Variants in GAB1 observed in about 807,000 individuals in gnomAD.
GAB1 encodes GRB2-associated-binding protein 1.
GAB1 carries 19 observed loss-of-function variants against 66.5 expected under a neutral mutation model. The observed-to-expected ratio is 0.29, with a 90% CI of 0.20 to 0.42. GAB1 has a LOEUF of 0.42. Among genes scored for constraint, GAB1 ranks in the 10% least tolerant of loss-of-function variants. The probability of loss-of-function intolerance (pLI) is 1.00; values close to 1 mark genes in which losing one functional copy is unlikely to be tolerated. For synonymous variants in GAB1, 294 were observed against 301.4 expected (o/e 0.98, Z 0.25); for missense variants, 732 against 858.5 (o/e 0.85, Z 1.84).
chr4:143,402,360 T>C (rs1235844805), intron 1 of GAB1, among the ~76,000 whole-genome samples: 3 of 152,196 alleles, frequency 2.0e-5, no homozygotes, highest in Non-Finnish European at 4.4e-5. Flanking sequence ...ATAAATAGAA[T>C]TGTTGTCTTT....
chr4:143,462,721 C>T (rs542663799), intron 8 of GAB1, among the ~76,000 whole-genome samples: 5 of 151,778 alleles, frequency 3.3e-5, no homozygotes, highest in Non-Finnish European at 5.9e-5. Context: ...AATGCAGTAG[C>T]GCGATCTCAA....
chr4:143,463,992 A>T (rs1358343519), intron 8 of GAB1, among the ~76,000 whole-genome samples: 1 of 152,348 alleles, frequency 6.6e-6, no homozygotes, highest in Middle Eastern at 3.4e-3. Flanking sequence ...ACAATTCTAG[A>T]TATTTCTAAT....
At chr4:143,350,731 G>GA (rs992625823) in intron 1 of GAB1, among the ~76,000 whole-genome samples, 5 of 150,606 alleles carry the variant, frequency 3.3e-5, no homozygotes, top group Admixed American at 6.6e-5. Flanking sequence ...CTGGTAATGG[G>GA]AAAAAAATTA....
At chr4:143,403,872 A>G (rs149014663) in intron 1 of GAB1, among the ~76,000 whole-genome samples, 111 of 152,320 alleles carry the variant, frequency 7.3e-4, no homozygotes, top group Admixed American at 1.8e-3. Flanking sequence ...ATTGCCATAT[A>G]TCTTGTTCTG....
chr4:143,388,433 G>A (rs957662796), intron 1 of GAB1, among the ~76,000 whole-genome samples: 1 of 152,254 alleles, frequency 6.6e-6, no homozygotes, highest in African/African-American at 2.4e-5. Context: ...TTGTGTGTGC[G>A]AGACAGAGTC....
At chr4:143,439,355 T>G (rs1345373456) in intron 4 of GAB1, among the ~76,000 whole-genome samples, 1 of 152,218 alleles carries the variant, frequency 6.6e-6, no homozygotes, top group Non-Finnish European at 1.5e-5. Context: ...CTCAGCTATC[T>G]CCAAGATTTT....
intron 1 of GAB1, among the ~76,000 whole-genome samples, chr4:143,370,454 A>G (rs1560723641): frequency 6.6e-6 from 1 of 152,236 alleles, no homozygotes. Context: ...CTCAAAGAGT[A>G]CAAATAGGTG....
At chr4:143,391,050 A>C (rs995902435) in intron 1 of GAB1, among the ~76,000 whole-genome samples, 14 of 152,208 alleles carry the variant, frequency 9.2e-5, no homozygotes, top group African/African-American at 2.9e-4. Flanking sequence ...TATAATTTCT[A>C]CCTGGATGAC....
At chr4:143,408,701 A>T (rs996386367) in intron 1 of GAB1, among the ~76,000 whole-genome samples, 5 of 152,152 alleles carry the variant, frequency 3.3e-5, no homozygotes, top group Admixed American at 1.3e-4. Context: ...CAAAAATAGC[A>T]TTTTCATTTT....
chr4:143,348,418 T>A (rs1729056681), intron 1 of GAB1, among the ~76,000 whole-genome samples: 1 of 152,254 alleles, frequency 6.6e-6, no homozygotes, highest in Non-Finnish European at 1.5e-5. Context: ...CCTTGTACAG[T>A]GGCTCAGCCA....
chr4:143,469,298 A>C lies in GAB1; in HGVS notation c.*109A>C. The C allele has an allele frequency of 8.6e-7, 1 of 1,156,230 alleles. No individual in the cohort carries two copies. Among genetic ancestry groups the C allele is most frequent in the Non-Finnish European group, 1.2e-6 (1 of 829,772 alleles). The allele number at this position is 1,156,230 out of a possible 1,614,324, so 71.6% of individuals were successfully genotyped here. ...TCTAGGTAGATCCTCAAATGAGTAGAGTTGAAGTCAAAGGACCTTTCTGAC... is the reference window on the plus strand; with the variant it reads ...TCTAGGTAGATCCTCAAATGAGTAGCGTTGAAGTCAAAGGACCTTTCTGAC... On this transcript the variant is annotated 3_prime_UTR_variant, in exon 10 of 10. Transcript: ENST00000262994.
At chr4:143,389,276 G>T (rs373338601) in intron 1 of GAB1, among the ~76,000 whole-genome samples, 1 of 152,092 alleles carries the variant, frequency 6.6e-6, no homozygotes, top group African/African-American at 2.4e-5. Flanking sequence ...AAATACTTGC[G>T]TATGCTGGAA....
chr4:143,366,925 G>T (rs1387171568), intron 1 of GAB1, among the ~76,000 whole-genome samples: 2 of 151,702 alleles, frequency 1.3e-5, no homozygotes, highest in Non-Finnish European at 2.9e-5. Flanking sequence ...TTCGTGGTTG[G>T]GTGCCATTCC....
At chr4:143,450,775 C>T (rs777538989) in intron 6 of GAB1, among the ~76,000 whole-genome samples, 4 of 152,000 alleles carry the variant, frequency 2.6e-5, no homozygotes, top group Non-Finnish European at 4.4e-5. Context: ...CCTGTAATCC[C>T]AGCTACTTGG....
rs562705237 is a variant in GAB1 at position 143,410,633 on chromosome 4, T to C, written c.73-4844T>C. Among the ~76,000 whole-genome samples, 7 of 152,318 alleles carry C rather than the reference T, an allele frequency of 4.6e-5. No homozygotes were observed. In the South Asian group the frequency reaches 1.4e-3, roughly 32 times the overall value. On this transcript the variant is annotated intron_variant, in intron 1 of 9. Transcript: ENST00000262994. ...AGGAAATGTTTAAAAGAATAGTTCTTTTAAAATGATGTTTAAAAACATCTC... is the reference window on the plus strand; with the variant it reads ...AGGAAATGTTTAAAAGAATAGTTCTCTTAAAATGATGTTTAAAAACATCTC...
At chr4:143,361,487 A>G (rs1049967977) in intron 1 of GAB1, among the ~76,000 whole-genome samples, 1 of 152,198 alleles carries the variant, frequency 6.6e-6, no homozygotes, top group Non-Finnish European at 1.5e-5. Flanking sequence ...TACAAGCAAT[A>G]GACATCTCTG....
At position 143,460,466 on chromosome 4, in the gene GAB1, A is replaced by C. The variant is rs774491318; in HGVS notation, c.1782A>C (p.Pro594=). The change falls in exon 8 of 10, where the codon CCA becomes CCC. Residue 594 remains proline, a synonymous_variant. Coordinates refer to ENST00000262994, the MANE Select transcript of GAB1 (RefSeq NM_002039.4). Reference sequence around the variant, plus strand: ...AAGAGAATTATGTTCCCATGAACCCAAACCTGTCCAGTGAAGACCCAGTAT... The same window carrying C: ...AAGAGAATTATGTTCCCATGAACCCCAACCTGTCCAGTGAAGACCCAGTAT... The part of the protein sequence containing the change: ...DSEENYVPMN[P]NLSSEDPNLF... The C allele has an allele frequency of 1.2e-6, 2 of 1,613,870 alleles. No homozygotes were observed. The highest frequency in any genetic ancestry group is 3.3e-5 in the Admixed American group (2 of 60,014).
intron 2 of GAB1, among the ~76,000 whole-genome samples, chr4:143,417,785 A>G (rs1191899183): frequency 1.3e-5 from 2 of 152,164 alleles, no homozygotes; most frequent in Non-Finnish European, 2.9e-5. Flanking sequence ...ACATGTAGGT[A>G]GGGGACTCCA....
In GAB1 at chr4:143,457,448, C is replaced by T. The variant is rs577266420; in HGVS notation, c.1586-1937C>T. Among the ~76,000 whole-genome samples, 8 of 152,246 alleles carry T rather than the reference C, an allele frequency of 5.3e-5. 1 individual carries two copies. In the South Asian group the frequency reaches 1.7e-3, roughly 32 times the overall value. ...AAAATCCTGCCATCTTTTATACCTC[C>T]TTGCTGCTTACATTGTTGCATGTAA... On this transcript the variant is annotated intron_variant, in intron 6 of 9. Coordinates refer to ENST00000262994, the MANE Select transcript of GAB1 (RefSeq NM_002039.4).
Sources: allele counts gnomAD v4.1 joint callset (sites outside exome capture counted in the v4.1 genomes callset), GRCh38; gene constraint gnomAD v4.1.1; transcripts MANE v1.5; gene names NCBI Gene and HGNC (gene_info 2026-07-23, HGNC 2026-07-21).